The following GRM7 variants were observed in gnomAD, a reference collection of about 807,000 sequenced individuals.
The protein encoded by GRM7 is glutamate metabotropic receptor 7.
Under a neutral mutation model 84.5 loss-of-function variants are expected in GRM7, and 35 were observed. The ratio of observed to expected loss-of-function variants is 0.41; its 90% confidence interval spans 0.32 to 0.55. The LOEUF is 0.55. Ranked by LOEUF, GRM7 falls within the 20% of genes least tolerant of loss-of-function variation. The pLI is 0.19. For missense variants in GRM7, 1,003 were observed against 1,194.6 expected (o/e 0.84, Z 2.36); for synonymous variants, 487 against 455.1 (o/e 1.07, Z -0.89).
intron 1 of GRM7, chr3:6,893,970 G>T (rs1318642011): frequency 3.3e-5 from 5 of 152,018 alleles, no homozygotes; most frequent in Admixed American, 1.3e-4. Context: ...TCTTTCCTGG[G>T]GGCATATGAA....
intron 9 of GRM7, among the ~76,000 whole-genome samples, chr3:7,687,439 G>A (rs1053770073): frequency 1.3e-5 from 2 of 152,182 alleles, no homozygotes; most frequent in African/African-American, 2.4e-5. Context: ...CCTCATCCAC[G>A]TGGAACAGGG....
intron 4 of GRM7, among the ~76,000 whole-genome samples, chr3:7,372,825 AAG>A (rs144238413): frequency 0.016 from 2,429 of 152,198 alleles, 33 homozygotes; most frequent in Admixed American, 0.029. Context: ...AAGGAAGAGA[AAG>A]GGGGTAAGGA....
intron 1 of GRM7, among the ~76,000 whole-genome samples, chr3:6,904,059 A>G (rs1479992042): frequency 6.6e-6 from 1 of 152,064 alleles, no homozygotes; most frequent in African/African-American, 2.4e-5. Context: ...TCTACGTGTC[A>G]CTTCTTTTTA....
intron 2 of GRM7, among the ~76,000 whole-genome samples, chr3:7,196,945 A>G (rs1286057132): frequency 6.6e-6 from 1 of 152,164 alleles, no homozygotes; most frequent in African/African-American, 2.4e-5. Context: ...GATCATTGAA[A>G]ACATTCTTTT....
intron 8 of GRM7, among the ~76,000 whole-genome samples, chr3:7,646,640 C>A (rs1293158049): frequency 6.6e-6 from 1 of 152,104 alleles, no homozygotes; most frequent in Non-Finnish European, 1.5e-5. Flanking sequence ...TGCCTGGTTT[C>A]TCATGTCCAA....
chr3:7,067,651 A>G (rs1213634589), intron 1 of GRM7, among the ~76,000 whole-genome samples: 1 of 151,926 alleles, frequency 6.6e-6, no homozygotes, highest in Non-Finnish European at 1.5e-5. Flanking sequence ...CTGGGATACT[A>G]CAAACAAGGC....
chr3:7,443,038 C>A (rs1697356870), intron 5 of GRM7, among the ~76,000 whole-genome samples: 1 of 151,022 alleles, frequency 6.6e-6, no homozygotes, highest in Non-Finnish European at 1.5e-5. Flanking sequence ...TTCCATCCTC[C>A]TCCTCCTCCT....
intron 9 of GRM7, among the ~76,000 whole-genome samples, chr3:7,709,280 G>C (rs1416774953): frequency 1.3e-5 from 2 of 152,126 alleles, no homozygotes; most frequent in Non-Finnish European, 2.9e-5. Flanking sequence ...TTTTAAAATT[G>C]TGTGTATGCA....
intron 8 of GRM7, among the ~76,000 whole-genome samples, chr3:7,580,130 A>G (rs560710733): frequency 8.5e-5 from 13 of 152,368 alleles, no homozygotes; most frequent in Admixed American, 2.6e-4. Flanking sequence ...GATTTAGACA[A>G]TTCTACGGTG....
intron 9 of GRM7, among the ~76,000 whole-genome samples, chr3:7,709,092 T>A (rs1054660617): frequency 8.3e-6 from 1 of 119,916 alleles, no homozygotes; most frequent in African/African-American, 4.2e-5. Context: ...AAATCTCAAC[T>A]TTTTTGTGGT....
intron 2 of GRM7, among the ~76,000 whole-genome samples, chr3:7,206,574 A>G (rs1298875936): frequency 2.0e-5 from 3 of 152,228 alleles, no homozygotes; most frequent in Non-Finnish European, 4.4e-5. Context: ...AGTGCTAACA[A>G]TGGCTACATT....
chr3:7,433,920 A>G (rs1696936157), intron 5 of GRM7, among the ~76,000 whole-genome samples: 1 of 152,210 alleles, frequency 6.6e-6, no homozygotes, highest in South Asian at 2.1e-4. Flanking sequence ...CTATACCAAT[A>G]TGGAGAAAAT....
chr3:7,701,857 C>T (rs1432826068), intron 9 of GRM7, among the ~76,000 whole-genome samples: 2 of 152,168 alleles, frequency 1.3e-5, no homozygotes, highest in Non-Finnish European at 2.9e-5. Flanking sequence ...ACACTAAGCT[C>T]CATGACAGTG....
At chr3:7,348,685 C>T (rs781235313) in intron 4 of GRM7, among the ~76,000 whole-genome samples, 11 of 152,080 alleles carry the variant, frequency 7.2e-5, no homozygotes, top group African/African-American at 1.7e-4. Flanking sequence ...TCAGCAATAT[C>T]GGCATCACCT....
intron 3 of GRM7, among the ~76,000 whole-genome samples, chr3:7,301,886 C>A (rs566115218): frequency 6.6e-6 from 1 of 152,156 alleles, no homozygotes; most frequent in Admixed American, 6.5e-5. Flanking sequence ...TTTCTTGGAA[C>A]GTTAACTTCA....
chr3:6,979,556 C>CAAATATAGA (rs1694119829), intron 1 of GRM7, among the ~76,000 whole-genome samples: 1 of 152,044 alleles, frequency 6.6e-6, no homozygotes, highest in African/African-American at 2.4e-5. Context: ...AAACAATATC[C>CAAATATAGA]AAATATAGAA....
chr3:7,279,506 C>T (rs919566656), intron 2 of GRM7, among the ~76,000 whole-genome samples: 2 of 152,052 alleles, frequency 1.3e-5, no homozygotes, highest in Non-Finnish European at 2.9e-5. Context: ...AGAGTTGACA[C>T]CACATCCACC....
chr3:7,086,726 C>A (rs926463133), intron 1 of GRM7, among the ~76,000 whole-genome samples: 4 of 152,112 alleles, frequency 2.6e-5, no homozygotes, highest in Admixed American at 2.6e-4. Context: ...AGCATGTGTT[C>A]ATGAAATAAA....
Position 7,590,146 on chromosome 3 carries a change from T to C in GRM7, c.2451+10789T>C, listed in dbSNP as rs116446425. Among the ~76,000 whole-genome samples, 221 of 152,298 alleles carry C rather than the reference T, an allele frequency of 1.5e-3. 1 individual carries two copies. The highest frequency in any genetic ancestry group is 4.8e-3 in the African/African-American group (200 of 41,566). ...CTGTTATTTAACAATCAATTTTAAG[T>C]ACCTGTAACATGACCTGTGACCCCC... is the stretch of plus-strand genomic sequence containing the variant. On this transcript the variant is annotated intron_variant, in intron 8 of 9. Transcript: ENST00000357716.
Sources: gnomAD v4.1 joint callset for allele counts (sites outside exome capture counted in the v4.1 genomes callset) on GRCh38, gnomAD v4.1.1 for gene constraint, MANE v1.5 for transcripts, NCBI Gene and HGNC (gene_info 2026-07-23, HGNC 2026-07-21) for gene names.